Variants in ATG13 observed in about 807,000 individuals in gnomAD.
ATG13 encodes the protein autophagy-related protein 13.
ATG13 carries 23 observed loss-of-function variants against 65.5 expected under a neutral mutation model. The ratio of observed to expected loss-of-function variants is 0.35; its 90% CI spans 0.25 to 0.50. The LOEUF (loss-of-function observed/expected upper bound fraction) is 0.50, where lower values mean the gene tolerates loss of function less well. Ranked by LOEUF, ATG13 falls within the 20% of genes least tolerant of loss-of-function variation. ATG13 has a pLI of 0.98. For missense variants in ATG13, 566 were observed against 677.0 expected, an observed-to-expected ratio of 0.84 and a Z score of 1.82; for synonymous variants, 252 against 245.2, an observed-to-expected ratio of 1.03 and a Z score of -0.26.
intron 1 of ATG13, among the ~76,000 whole-genome samples, chr11:46,622,108 TA>T (rs1565398271): frequency 3.5e-4 from 42 of 121,432 alleles, no homozygotes; most frequent in African/African-American, 1.2e-3. Flanking sequence ...TATATATATA[TA>T]TATATATATA....
At chr11:46,662,114 A>G (rs1006079609) in intron 11 of ATG13, among the ~76,000 whole-genome samples, 2 of 152,198 alleles carry the variant, frequency 1.3e-5, no homozygotes, top group African/African-American at 2.4e-5. Flanking sequence ...GCATTGACAA[A>G]AAAAGCAGAC....
In ATG13 at chr11:46,651,634, C is replaced by T. The variant is rs576479945; in HGVS notation, c.458+1317C>T. Among the ~76,000 whole-genome samples, 6 of 152,138 alleles carry T rather than the reference C, an allele frequency of 3.9e-5. No individual in the cohort carries two copies. In the South Asian group the frequency reaches 1.2e-3, roughly 32 times the overall value. Reference sequence around the variant, plus strand: ...GCTGATTTTTAGACGAATAGTATAGCAAGATAGAGGGACCAAAGGAGGAGA... The same window carrying T: ...GCTGATTTTTAGACGAATAGTATAGTAAGATAGAGGGACCAAAGGAGGAGA... On this transcript the variant is annotated intron_variant, in intron 7 of 18. Coordinates refer to ENST00000683050, the MANE Select transcript of ATG13 (RefSeq NM_001346311.2).
rs73451870 is a variant in ATG13, at chr11:46,658,389, C to T, written c.695+767C>T. Among the ~76,000 whole-genome samples the T allele has an allele frequency of 2.0e-3, 300 of 152,256 alleles. 2 individuals carry two copies. Among genetic ancestry groups the T allele is most frequent in the African/African-American group, 7.0e-3 (289 of 41,560 alleles). ...AACCCAGATGTGGCTCCATTACTGG[C>T]CTGGCTTAAGAAAATGCTCTCTCAG... On this transcript the variant is annotated intron_variant, in intron 10 of 18. Transcript: ENST00000683050.
intron 2 of ATG13, among the ~76,000 whole-genome samples, chr11:46,640,620 C>T (rs2055649411): frequency 6.6e-6 from 1 of 152,196 alleles, no homozygotes; most frequent in Non-Finnish European, 1.5e-5. Flanking sequence ...CGTGCCACTG[C>T]ACTCCAGTCT....
chr11:46,617,667 G>A lies in ATG13; in HGVS notation c.-293G>A. 2.6e-6 allele frequency: 1 copy of A among 387,862 alleles called. No homozygotes were observed. The allele number at this position is 387,862 out of a possible 1,614,324, so 24.0% of individuals were successfully genotyped here. On this transcript the variant is annotated 5_prime_UTR_variant, in exon 1 of 19. Transcript: ENST00000683050. ...TAACCAGTGAGGGAAGCACTGAAGA[G>A]CGCCAGTCGACGTGGGTGCGACAAC...
At chr11:46,634,596 T>C (rs2053265885) in intron 2 of ATG13, among the ~76,000 whole-genome samples, 1 of 151,730 alleles carries the variant, frequency 6.6e-6, no homozygotes, top group East Asian at 1.9e-4. Context: ...GGTTTTACCA[T>C]GTTGGCTAGG....
intron 11 of ATG13, among the ~76,000 whole-genome samples, chr11:46,663,720 T>G (rs570348585): frequency 1.3e-5 from 2 of 152,302 alleles, no homozygotes; most frequent in South Asian, 4.1e-4. Flanking sequence ...TTTTGCCAAG[T>G]TGTAGCCAGC....
chr11:46,669,107 G>A (rs368287995), intron 17 of ATG13, among the ~76,000 whole-genome samples, 197 bp downstream of exon 17: 14 of 152,152 alleles, frequency 9.2e-5, no homozygotes, highest in Non-Finnish European at 1.8e-4. Flanking sequence ...CATGCCTTTG[G>A]TTAAAATTCA....
chr11:46,622,038 C>T (rs2047674976), intron 1 of ATG13, among the ~76,000 whole-genome samples: 1 of 141,208 alleles, frequency 7.1e-6, no homozygotes, highest in Non-Finnish European at 1.5e-5. Flanking sequence ...TCAGTCCACC[C>T]TGTTGATGAA....
At chr11:46,656,964 T>C (rs2072789390) in intron 8 of ATG13, 131 bp from the exon 9 acceptor site, 1 of 746,880 alleles carries the variant, frequency 1.3e-6, no homozygotes, top group South Asian at 1.5e-5. Context: ...AAATTAAGGC[T>C]GCTGCACTTA....
chr11:46,644,052 C>G (rs2056887922), intron 2 of ATG13, among the ~76,000 whole-genome samples: 1 of 152,072 alleles, frequency 6.6e-6, no homozygotes, highest in South Asian at 2.1e-4. Context: ...AAAATGTTCT[C>G]ATTCATTTTT....
At chr11:46,648,661 C>T (rs577202953) in intron 5 of ATG13, 1 of 152,232 alleles carries the variant, frequency 6.6e-6, no homozygotes, top group East Asian at 1.9e-4. Flanking sequence ...CCTGTAGTCC[C>T]AGCTATTTAG....
chr11:46,640,654 T>G (rs987848300), intron 2 of ATG13, among the ~76,000 whole-genome samples: 2 of 152,084 alleles, frequency 1.3e-5, no homozygotes, highest in Middle Eastern at 3.2e-3. Context: ...AGATTTTGTC[T>G]CACAAAATTA....
intron 12 of ATG13, among the ~76,000 whole-genome samples, 200 bp from the exon 13 acceptor site, chr11:46,664,649 T>C (rs910471085): frequency 6.6e-6 from 1 of 152,232 alleles, no homozygotes; most frequent in African/African-American, 2.4e-5. Flanking sequence ...CCAATCCCAG[T>C]ACAAACAAGT....
At chr11:46,636,579 AAAG>A (rs1451866022) in intron 2 of ATG13, among the ~76,000 whole-genome samples, 21 of 151,500 alleles carry the variant, frequency 1.4e-4, no homozygotes, top group Non-Finnish European at 5.9e-5. Context: ...AAAAAAAAAA[AAAG>A]CCAGGCAAAG....
chr11:46,630,562 T>G (rs1441762680), intron 2 of ATG13, among the ~76,000 whole-genome samples: 1 of 138,652 alleles, frequency 7.2e-6, no homozygotes, highest in Admixed American at 7.1e-5. Flanking sequence ...GGCAAGAAAT[T>G]AGAGGCTTTT....
At chr11:46,663,941 T>C (rs2061702337) in intron 11 of ATG13, 56 bp from the exon 12 acceptor site, 3 of 1,228,466 alleles carry the variant, frequency 2.4e-6, no homozygotes, top group African/African-American at 1.6e-5. Flanking sequence ...CTCAAGTCCC[T>C]TTTCTTTTTT....
At position 46,660,818 on chromosome 11, in the gene ATG13, C is replaced by T. The variant is rs112904152; in HGVS notation, c.789+1333C>T. On this transcript the variant is annotated intron_variant, in intron 11 of 18. Transcript: ENST00000683050. The stretch of plus-strand genomic sequence containing the variant: ...AGACCTCCCAGGGTCAGGTGATCCT[C>T]CCACCTAAACCTCCGGAGTATCTGG... Among the ~76,000 whole-genome samples, 346 of 151,816 alleles carry T rather than the reference C, an allele frequency of 2.3e-3. 2 individuals are homozygous for T. The highest frequency in any genetic ancestry group is 6.8e-3 in the Middle Eastern group (2 of 294).
chr11:46,633,234 C>T (rs1233504619), intron 2 of ATG13, among the ~76,000 whole-genome samples: 1 of 150,004 alleles, frequency 6.7e-6, no homozygotes, highest in Admixed American at 6.7e-5. Flanking sequence ...CCATGTTGGT[C>T]AGGCTGGTCT....
Sources: allele counts gnomAD v4.1 joint callset (sites outside exome capture counted in the v4.1 genomes callset), GRCh38; gene constraint gnomAD v4.1.1; transcripts MANE v1.5; gene names NCBI Gene and HGNC (gene_info 2026-07-23, HGNC 2026-07-21).